The following CAMK1D variants were observed in gnomAD, a reference collection of about 807,000 sequenced individuals.
CAMK1D encodes calcium/calmodulin dependent protein kinase ID.
A neutral mutation model predicts 47.7 loss-of-function variants in CAMK1D; 9 were observed. The ratio of observed to expected loss-of-function variants is 0.19; its 90% CI spans 0.11 to 0.33. The LOEUF (loss-of-function observed/expected upper bound fraction) is 0.33, where lower values mean the gene tolerates loss of function less well. Among genes scored for constraint, CAMK1D ranks in the 10% least tolerant of loss-of-function variants. CAMK1D has a pLI of 1.00. For missense variants in CAMK1D, 291 were observed against 488.7 expected (o/e 0.60, Z 3.81); for synonymous variants, 184 against 184.9 (o/e 0.99, Z 0.04).
chr10:12,710,139 C>A (rs554842781), intron 3 of CAMK1D, among the ~76,000 whole-genome samples: 1 of 152,314 alleles, frequency 6.6e-6, no homozygotes, highest in South Asian at 2.1e-4. Flanking sequence ...AGCAGTATAT[C>A]ATCTTTCAGA....
At chr10:12,393,548 C>T (rs1281803820) in intron 1 of CAMK1D, among the ~76,000 whole-genome samples, 1 of 152,182 alleles carries the variant, frequency 6.6e-6, no homozygotes, top group African/African-American at 2.4e-5. Flanking sequence ...AATTTTCTCA[C>T]CCAGGGACAT....
intron 2 of CAMK1D, among the ~76,000 whole-genome samples, chr10:12,567,148 A>G (rs1054240506): frequency 6.6e-6 from 1 of 152,192 alleles, no homozygotes; most frequent in Non-Finnish European, 1.5e-5. Flanking sequence ...GGAAGAAACC[A>G]GTTACAGATC....
intron 1 of CAMK1D, among the ~76,000 whole-genome samples, chr10:12,413,331 G>A (rs915696170): frequency 5.9e-5 from 9 of 152,230 alleles, no homozygotes; most frequent in African/African-American, 2.2e-4. Flanking sequence ...TGAGGGATCC[G>A]CTCCCATGAC....
rs535756439 is a variant in CAMK1D at position 12,685,288 on chromosome 10, G to T, written c.299+18478G>T. Among the ~76,000 whole-genome samples, 3 of 152,294 alleles carry T rather than the reference G, an allele frequency of 2.0e-5. No homozygotes were observed. In the East Asian group the frequency reaches 5.8e-4, roughly 29 times the overall value. On this transcript the variant is annotated intron_variant, in intron 3 of 10. Coordinates refer to ENST00000619168, the MANE Select transcript of CAMK1D (RefSeq NM_153498.4). ...TGCACTCCAGCCTGGGCGACAGAAC[G>T]AGACTCTGTCTCAAAAACGAACAAA...
At chr10:12,450,190 A>G (rs927988831) in intron 1 of CAMK1D, among the ~76,000 whole-genome samples, 38 of 152,112 alleles carry the variant, frequency 2.5e-4, no homozygotes, top group Admixed American at 2.5e-3. Flanking sequence ...GGAAGAAGGA[A>G]GTTTCCCTAT....
intron 1 of CAMK1D, among the ~76,000 whole-genome samples, chr10:12,512,016 T>A (rs562477332): frequency 6.6e-6 from 1 of 152,182 alleles, no homozygotes; most frequent in South Asian, 2.1e-4. Context: ...CTGTCTGGTG[T>A]TCCCCATAGA....
At chr10:12,681,191 T>C (rs1840981374) in intron 3 of CAMK1D, among the ~76,000 whole-genome samples, 1 of 152,254 alleles carries the variant, frequency 6.6e-6, no homozygotes, top group Non-Finnish European at 1.5e-5. Context: ...TCCCCAGAGC[T>C]GCTACGGCTC....
intron 8 of CAMK1D, among the ~76,000 whole-genome samples, chr10:12,818,307 C>G (rs773188997): frequency 1.3e-5 from 2 of 152,160 alleles, no homozygotes; most frequent in Non-Finnish European, 2.9e-5. Context: ...GCTAATTGCT[C>G]TAATGTATTG....
In CAMK1D at chr10:12,826,937, A is replaced by T. The variant is rs186264390; in HGVS notation, c.1039+1247A>T. Among the ~76,000 whole-genome samples the T allele has an allele frequency of 2.0e-5, 3 of 151,958 alleles. No homozygotes were observed. In the East Asian group the frequency reaches 5.8e-4, roughly 29 times the overall value. Reference sequence around the variant, plus strand: ...TTTGTCCCCATGTCTGAGCACACAGACTCCCTGGGGGCCTGCACCAACAAG... The same window carrying T: ...TTTGTCCCCATGTCTGAGCACACAGTCTCCCTGGGGGCCTGCACCAACAAG... On this transcript the variant is annotated intron_variant, in intron 10 of 10. Coordinates refer to ENST00000619168, the MANE Select transcript of CAMK1D (RefSeq NM_153498.4).
At chr10:12,747,091 G>A (rs1835715939) in intron 3 of CAMK1D, among the ~76,000 whole-genome samples, 2 of 152,042 alleles carry the variant, frequency 1.3e-5, no homozygotes, top group Non-Finnish European at 2.9e-5. Flanking sequence ...GAGTGCAGTG[G>A]CACGATCTCG....
intron 3 of CAMK1D, among the ~76,000 whole-genome samples, chr10:12,744,872 G>T (rs1472744363): frequency 6.6e-6 from 1 of 152,178 alleles, no homozygotes; most frequent in African/African-American, 2.4e-5. Context: ...CTGTACTCCA[G>T]CCTGGGCAAC....
At position 12,413,028 on chromosome 10, in the gene CAMK1D, G is replaced by A. The variant is rs149568231; in HGVS notation, c.92+63118G>A. ...CCAATGTGGGTCCAGGCAGAATGGT[G>A]TGTATATTAGGCTGTTCTTGCATTG... On this transcript the variant is annotated intron_variant, in intron 1 of 10. Coordinates refer to ENST00000619168, the MANE Select transcript of CAMK1D (RefSeq NM_153498.4). 2.0e-5 allele frequency among the ~76,000 whole-genome samples: 3 copies of A among 152,334 alleles called. No homozygotes were observed. The East Asian group carries it at 5.8e-4, about 29-fold the overall frequency.
intron 1 of CAMK1D, among the ~76,000 whole-genome samples, chr10:12,511,943 G>A (rs937270012): frequency 2.0e-5 from 3 of 152,236 alleles, no homozygotes; most frequent in Non-Finnish European, 4.4e-5. Flanking sequence ...GAAGCTGAAC[G>A]AGTTCACCCA....
intron 1 of CAMK1D, among the ~76,000 whole-genome samples, chr10:12,432,253 C>G (rs541391389): frequency 5.3e-5 from 8 of 152,332 alleles, no homozygotes; most frequent in African/African-American, 1.9e-4. Context: ...AGAGTTTTTC[C>G]TCAGCCCCAT....
chr10:12,522,828 C>T (rs1196408830), intron 1 of CAMK1D, among the ~76,000 whole-genome samples: 2 of 60,192 alleles, frequency 3.3e-5, no homozygotes, highest in Non-Finnish European at 7.3e-5. Context: ...GGCGGAGGCG[C>T]CCCCCACCTC....
intron 6 of CAMK1D, among the ~76,000 whole-genome samples, chr10:12,797,868 G>C (rs1279464982): frequency 6.6e-6 from 1 of 152,102 alleles, no homozygotes; most frequent in East Asian, 1.9e-4. Context: ...TGTGACAATT[G>C]GTTTACTACC....
intron 1 of CAMK1D, among the ~76,000 whole-genome samples, chr10:12,416,467 G>T (rs1039100168): frequency 3.9e-5 from 6 of 152,196 alleles, no homozygotes; most frequent in Non-Finnish European, 7.3e-5. Context: ...CAGAACAGGG[G>T]TTGGATGACT....
In CAMK1D at chr10:12,609,080, G is replaced by C. The variant is rs1358843649; in HGVS notation, c.224+55724G>C. On this transcript the variant is annotated intron_variant, in intron 2 of 10. Transcript: ENST00000619168. Reference sequence around the variant, plus strand: ...GTCTTCCTGCCAAGGGGCCATGCATGTGCATAGACACTCAACTGTGATGGA... The same window carrying C: ...GTCTTCCTGCCAAGGGGCCATGCATCTGCATAGACACTCAACTGTGATGGA... 3.3e-5 allele frequency among the ~76,000 whole-genome samples: 5 copies of C among 152,216 alleles called. No individual in the cohort carries two copies. In the South Asian group the frequency reaches 1.0e-3, roughly 32 times the overall value.
chr10:12,717,459 A>G (rs958753045), intron 3 of CAMK1D, among the ~76,000 whole-genome samples: 1 of 152,168 alleles, frequency 6.6e-6, no homozygotes, highest in Non-Finnish European at 1.5e-5. Context: ...ACTGCCTCTT[A>G]CTCAAGGCCA....
Sources: allele counts gnomAD v4.1 joint callset (sites outside exome capture counted in the v4.1 genomes callset), GRCh38; gene constraint gnomAD v4.1.1; transcripts MANE v1.5; gene names NCBI Gene and HGNC (gene_info 2026-07-23, HGNC 2026-07-21).